TMEM132D: variants seen among roughly 807,000 people sequenced by gnomAD.
The protein encoded by TMEM132D is transmembrane protein 132D.
TMEM132D carries 21 observed loss-of-function variants against 62.3 expected under a neutral mutation model. That is an observed-to-expected ratio of 0.34 (90% CI 0.24 to 0.49). TMEM132D has a LOEUF of 0.49. Among genes scored for constraint, TMEM132D ranks in the 20% least tolerant of loss-of-function variants. The probability of loss-of-function intolerance (pLI) is 0.99; values close to 1 mark genes in which losing one functional copy is unlikely to be tolerated. For missense variants in TMEM132D, 1,346 were observed against 1,402.8 expected, an observed-to-expected ratio of 0.96 and a Z score of 0.65; for synonymous variants, 621 against 575.6, an observed-to-expected ratio of 1.08 and a Z score of -1.13.
At chr12:129,209,942 A>C (rs913243474) in intron 4 of TMEM132D, 1 of 418,036 alleles carries the variant, frequency 2.4e-6, no homozygotes, top group Admixed American at 3.7e-5. Context: ...TTTGGCAAAC[A>C]CTTATGTGTC....
rs1331337787 is a variant in TMEM132D at position 129,903,839 on chromosome 12, G to A, written c.-500C>T. Among the ~76,000 whole-genome samples the A allele has an allele frequency of 2.0e-5, 3 of 146,698 alleles. No homozygotes were observed. Among genetic ancestry groups the A allele is most frequent in the Non-Finnish European group, 4.5e-5 (3 of 65,948 alleles). The stretch of plus-strand genomic sequence containing the variant: ...CCCCGGGCGGGTGGCCGGGCTCGCT[G>A]GGCGGCCCGGGGCTCCCTGGCCCGC... On this transcript the variant is annotated 5_prime_UTR_variant, in exon 1 of 9. Coordinates refer to ENST00000422113, the MANE Select transcript of TMEM132D (RefSeq NM_133448.3). The surrounding 1 kb of genome is among the most constrained non-coding windows in gnomAD (Gnocchi z 6.2).
intron 5 of TMEM132D, among the ~76,000 whole-genome samples, chr12:129,145,087 T>C (rs1017862616): frequency 6.6e-6 from 1 of 152,170 alleles, no homozygotes; most frequent in Admixed American, 6.5e-5. Flanking sequence ...AATTATTTTA[T>C]GTATTCATAG....
intron 3 of TMEM132D, among the ~76,000 whole-genome samples, chr12:129,485,126 T>C (rs1874545506): frequency 6.6e-6 from 1 of 152,090 alleles, no homozygotes; most frequent in Non-Finnish European, 1.5e-5. Context: ...GGTGGTGAGA[T>C]GGGAGGCAAA....
chr12:129,713,623 C>G (rs763914717), intron 1 of TMEM132D, among the ~76,000 whole-genome samples: 10 of 152,338 alleles, frequency 6.6e-5, no homozygotes, highest in Middle Eastern at 3.4e-3. Flanking sequence ...CACAGCTGCA[C>G]TGATGAACTC....
intron 2 of TMEM132D, among the ~76,000 whole-genome samples, chr12:129,691,858 T>C (rs1881070231): frequency 6.6e-6 from 1 of 152,048 alleles, no homozygotes; most frequent in Non-Finnish European, 1.5e-5. Context: ...AACTAGGATT[T>C]AAGATAGATG....
intron 5 of TMEM132D, among the ~76,000 whole-genome samples, chr12:129,122,400 CA>C (rs1173868340): frequency 1.3e-5 from 2 of 152,196 alleles, no homozygotes; most frequent in Non-Finnish European, 2.9e-5. Context: ...GAGTAACATT[CA>C]ACGCTTACAA....
At chr12:129,787,401 G>A (rs1411144441) in intron 1 of TMEM132D, among the ~76,000 whole-genome samples, 1 of 152,172 alleles carries the variant, frequency 6.6e-6, no homozygotes, top group African/African-American at 2.4e-5. Context: ...GACAAGCTTT[G>A]TGACCCTGAG....
intron 1 of TMEM132D, among the ~76,000 whole-genome samples, chr12:129,719,651 C>G (rs1471135051): frequency 3.3e-5 from 5 of 152,182 alleles, no homozygotes; most frequent in Non-Finnish European, 5.9e-5. Flanking sequence ...CATCAGGTAG[C>G]TGAGACACTT....
intron 2 of TMEM132D, among the ~76,000 whole-genome samples, chr12:129,605,620 TATAC>T (rs1212220248): frequency 5.6e-4 from 62 of 111,344 alleles, no homozygotes; most frequent in African/African-American, 1.9e-3. Flanking sequence ...CACATATATA[TATAC>T]ACACACACAC....
chr12:129,116,270 G>C (rs1029871216), intron 5 of TMEM132D, among the ~76,000 whole-genome samples: 2 of 152,206 alleles, frequency 1.3e-5, no homozygotes, highest in Non-Finnish European at 2.9e-5. Flanking sequence ...ATGGCACATA[G>C]AGGGAAATGA....
intron 2 of TMEM132D, among the ~76,000 whole-genome samples, chr12:129,655,008 C>T (rs1880034949): frequency 6.7e-6 from 1 of 148,848 alleles, no homozygotes; most frequent in Admixed American, 6.7e-5. Flanking sequence ...AGTGCAGTGG[C>T]ACGATCTCAG....
chr12:129,728,237 G>T (rs1363225937), intron 1 of TMEM132D, among the ~76,000 whole-genome samples: 2 of 152,144 alleles, frequency 1.3e-5, no homozygotes, highest in African/African-American at 4.8e-5. Flanking sequence ...AAATCCATCA[G>T]CACAGAAAGT....
At chr12:129,310,528 C>T (rs1881948129) in intron 4 of TMEM132D, among the ~76,000 whole-genome samples, 1 of 152,202 alleles carries the variant, frequency 6.6e-6, no homozygotes, top group Non-Finnish European at 1.5e-5. Flanking sequence ...CTCTGAGCTC[C>T]TGCTGGGGCT....
chr12:129,665,379 G>A (rs1210048546), intron 2 of TMEM132D, among the ~76,000 whole-genome samples: 6 of 152,218 alleles, frequency 3.9e-5, no homozygotes, highest in Non-Finnish European at 7.3e-5. Context: ...AGCGATGCAA[G>A]CAGGGTTCAA....
At chr12:129,287,388 C>G (rs977923064) in intron 4 of TMEM132D, among the ~76,000 whole-genome samples, 3 of 152,152 alleles carry the variant, frequency 2.0e-5, no homozygotes, top group Non-Finnish European at 2.9e-5. Context: ...GCAAACAGCA[C>G]AGCAATAATT....
At chr12:129,552,311 T>C (rs575560053) in intron 2 of TMEM132D, among the ~76,000 whole-genome samples, 27 of 152,306 alleles carry the variant, frequency 1.8e-4, no homozygotes, top group African/African-American at 6.3e-4. Flanking sequence ...CTATCATCAA[T>C]CCATTATCTA....
At chr12:129,278,011 A>T (rs113733578) in intron 4 of TMEM132D, among the ~76,000 whole-genome samples, 16 of 152,296 alleles carry the variant, frequency 1.1e-4, no homozygotes, top group African/African-American at 3.8e-4. Context: ...CCCAGAACCA[A>T]GCCAGGAATC....
At chr12:129,660,301 G>A (rs958133291) in intron 2 of TMEM132D, among the ~76,000 whole-genome samples, 1 of 82,794 alleles carries the variant, frequency 1.2e-5, no homozygotes, top group Non-Finnish European at 2.7e-5. Context: ...GTGGTTCACT[G>A]TGTCTGGGAT....
rs1566077499 is a variant in TMEM132D, at chr12:129,463,469, T to TTTATGTATG, written c.1115+67589_1115+67590insCATACATAA. ...ATTTATTTATTTATTTATTTATTTATGTATTATTATTATTATTATTATACT... is the reference window on the plus strand; with the variant it reads ...ATTTATTTATTTATTTATTTATTTATTTATGTATGGTATTATTATTATTATTATTATACT... On this transcript the variant is annotated intron_variant, in intron 3 of 8. Transcript: ENST00000422113. Among the ~76,000 whole-genome samples the TTTATGTATG allele has an allele frequency of 2.8e-5, 3 of 107,662 alleles. No individual in the cohort carries two copies. In the South Asian group the frequency reaches 1.0e-3, roughly 38 times the overall value. The allele number at this position is 107,662 out of a possible 152,430, so 70.6% of individuals were successfully genotyped here. A position where few individuals can be genotyped will look rare whatever the true frequency, so the allele number is the denominator to read the frequency against.
Sources: gnomAD v4.1 joint callset for allele counts (sites outside exome capture counted in the v4.1 genomes callset) on GRCh38, gnomAD v4.1.1 for gene constraint, Gnocchi (gnomAD v3.1) non-coding constraint, MANE v1.5 for transcripts, NCBI Gene and HGNC (gene_info 2026-07-23, HGNC 2026-07-21) for gene names.